Variants in ADAMTSL2 observed in about 807,000 individuals in gnomAD.
ADAMTSL2 encodes the protein ADAMTS like 2, also known as ADAMTS-like protein 2.
Under a neutral mutation model 117.0 loss-of-function variants are expected in ADAMTSL2, and 55 were observed. That is an observed-to-expected ratio of 0.47 (90% CI 0.38 to 0.59). The LOEUF (loss-of-function observed/expected upper bound fraction) is 0.59, where lower values mean the gene tolerates loss of function less well. ADAMTSL2 is among the 20% of genes least tolerant of loss of function. The pLI is 0.00. For missense variants in ADAMTSL2, 1,182 were observed against 1,354.5 expected, an observed-to-expected ratio of 0.87 and a Z score of 2.00; for synonymous variants, 572 against 566.4, an observed-to-expected ratio of 1.01 and a Z score of -0.14.
intron 12 of ADAMTSL2, among the ~76,000 whole-genome samples, chr9:133,564,111 AAAAAGG>A (rs1564509098): frequency 1.7e-4 from 5 of 29,570 alleles, no homozygotes; most frequent in Non-Finnish European, 2.6e-4. Flanking sequence ...AGAGAGAGAG[AAAAAGG>A]GGGAGAGAGA....
chr9:133,545,167 A>C (rs1830318326), intron 8 of ADAMTSL2, among the ~76,000 whole-genome samples: 1 of 151,408 alleles, frequency 6.6e-6, no homozygotes, highest in Admixed American at 6.6e-5. Context: ...GGGAAGATGG[A>C]GTATTGGCCG....
Position 133,534,810 on chromosome 9 carries a change from A to G in ADAMTSL2, c.-258A>G. The stretch of plus-strand genomic sequence containing the variant: ...GAAGGGGAGAGGGAGGCCGGGCCGC[A>G]GCCTCTGCACTCACGCCGCCCCCGC... On this transcript the variant is annotated 5_prime_UTR_variant, in exon 1 of 19. Transcript: ENST00000651351. 1 of 1,489,106 alleles carries G rather than the reference A, an allele frequency of 6.7e-7. No homozygotes were observed. Among genetic ancestry groups the G allele is most frequent in the Non-Finnish European group, 9.0e-7 (1 of 1,114,426 alleles). The allele number at this position is 1,489,106 out of a possible 1,614,324, so 92.2% of individuals were successfully genotyped here.
At chr9:133,570,304 G>A in intron 16 of ADAMTSL2, 27 bp from the exon 17 acceptor site, 1 of 1,537,800 alleles carries the variant, frequency 6.5e-7, no homozygotes, top group Non-Finnish European at 8.7e-7. Context: ...CCCTGGCGCT[G>A]ACCCGCTCCC....
chr9:133,547,513 C>T (rs987749677), intron 9 of ADAMTSL2, among the ~76,000 whole-genome samples: 4 of 152,276 alleles, frequency 2.6e-5, no homozygotes, highest in African/African-American at 7.2e-5. Context: ...CACTCAACCA[C>T]CTATTCTCTC....
Position 133,555,836 on chromosome 9 carries a change from A to C in ADAMTSL2, c.1555A>C (p.Ser519Arg), listed in dbSNP as rs888442150. The C allele has an allele frequency of 2.7e-5, 43 of 1,613,616 alleles. No homozygotes were observed. The African/African-American group carries it at 5.7e-4, about 21-fold the overall frequency. ...CAACGGGTCCTACCTGGAGCTGAGC[A>C]GCGACAGGGTTGCCAACAGCTCCTC... Reference protein sequence around the residue: ...LLNGSYLELSSDRVANSSSEA... With the variant: ...LLNGSYLELSRDRVANSSSEA... Residue 519 changes from serine (S) to arginine (R), a missense_variant, in exon 11 of 19, where the codon AGC becomes CGC. Ser to Arg is a moderately radical substitution (Grantham distance 110). Around this residue, in one of 3 missense-constraint regions of ADAMTSL2, gnomAD observed 345 missense variants for 325.8 expected, o/e 1.06. Coordinates refer to ENST00000651351, the MANE Select transcript of ADAMTSL2 (RefSeq NM_014694.4).
chr9:133,554,651 G>A lies in ADAMTSL2; in HGVS notation c.1234G>A (p.Gly412Ser), dbSNP rs931990483. 21 of 1,526,234 alleles carry A rather than the reference G, an allele frequency of 1.4e-5. No homozygotes were observed. The highest frequency in any genetic ancestry group is 4.1e-5 in the African/African-American group (3 of 72,746). The allele number at this position is 1,526,234 out of a possible 1,614,324, so 94.5% of individuals were successfully genotyped here. Residue 412 changes from glycine to serine, a missense_variant, in exon 10 of 19, where the codon GGC becomes AGC. Around this residue, in one of 3 missense-constraint regions of ADAMTSL2, gnomAD observed 345 missense variants for 325.8 expected, o/e 1.06. Coordinates refer to ENST00000651351, the MANE Select transcript of ADAMTSL2 (RefSeq NM_014694.4). This position sits in a 1 kb window ranked among gnomAD's most constrained non-coding sequence, Gnocchi z 5.2. The part of the protein sequence containing the change: ...ETNEVCEQAG[G>S]GACEGPPRGK... The stretch of plus-strand genomic sequence containing the variant: ...CAACGAGGTGTGCGAGCAGGCCGGC[G>A]GCGGGGCCTGCGAGGGGCCCCCCAG...
Position 133,558,343 on chromosome 9 carries a change from G to A in ADAMTSL2, c.1649+2413G>A, listed in dbSNP as rs1830653864. ...GCCAAAATAGCCACGTCTCGGCCGA[G>A]TTGTCCAAACACAGGAAGTCGTGTC... is the stretch of plus-strand genomic sequence containing the variant. On this transcript the variant is annotated intron_variant, in intron 11 of 18. Transcript: ENST00000651351. The surrounding 1 kb of genome is among the most constrained non-coding windows in gnomAD (Gnocchi z 4.3). Among the ~76,000 whole-genome samples, 1 of 152,216 alleles carries A rather than the reference G, an allele frequency of 6.6e-6. No homozygotes were observed.
chr9:133,550,227 G>A (rs551556880), intron 9 of ADAMTSL2, among the ~76,000 whole-genome samples: 1 of 152,354 alleles, frequency 6.6e-6, no homozygotes, highest in African/African-American at 2.4e-5. Context: ...TCCAGGGCTG[G>A]CCTGGAAAAA....
intron 1 of ADAMTSL2, 21 bp downstream of exon 1, chr9:133,534,938 C>T: frequency 7.3e-7 from 1 of 1,377,640 alleles, no homozygotes; most frequent in South Asian, 1.6e-5. Context: ...TCGTCCCCGT[C>T]CCCCTCACGT....
chr9:133,533,163 C>CTCTGTG (rs1491336774), upstream of ADAMTSL2, among the ~76,000 whole-genome samples: 1 of 148,060 alleles, frequency 6.8e-6, no homozygotes. Flanking sequence ...GTGTGTGTGC[C>CTCTGTG]TGTGTGTGTG....
Position 133,558,024 on chromosome 9 carries a change from C to T in ADAMTSL2, c.1649+2094C>T, listed in dbSNP as rs1057237552. Among the ~76,000 whole-genome samples the T allele has an allele frequency of 3.3e-5, 5 of 152,182 alleles. No homozygotes were observed. The highest frequency in any genetic ancestry group is 4.4e-5 in the Non-Finnish European group (3 of 68,036). On this transcript the variant is annotated intron_variant, in intron 11 of 18. Coordinates refer to ENST00000651351, the MANE Select transcript of ADAMTSL2 (RefSeq NM_014694.4). The surrounding 1 kb of genome is among the most constrained non-coding windows in gnomAD (Gnocchi z 4.3). ...TATTCAGTGATCCTTAGGCCAGGGT[C>T]ATGGCACAAGCTTACGGATCCTCAA...
In ADAMTSL2 at chr9:133,554,304, G is replaced by A; in HGVS notation, c.940-53G>A. On this transcript the variant is annotated intron_variant, in intron 9 of 18. Transcript: ENST00000651351. The surrounding 1 kb of genome is among the most constrained non-coding windows in gnomAD (Gnocchi z 5.2). ...GCTCTGTGGGAAGGGGATTGGTGGG[G>A]AAGGGGCTGGACAGAGTAAGGAGGG... is the stretch of plus-strand genomic sequence containing the variant. 2.7e-6 allele frequency: 4 copies of A among 1,464,600 alleles called. No individual in the cohort carries two copies. Among genetic ancestry groups the A allele is most frequent in the Non-Finnish European group, 3.7e-6 (4 of 1,088,862 alleles). The allele number at this position is 1,464,600 out of a possible 1,614,324, so 90.7% of individuals were successfully genotyped here. A position where few individuals can be genotyped will look rare whatever the true frequency, so the allele number is the denominator to read the frequency against.
At chr9:133,551,559 A>G (rs1322684553) in intron 9 of ADAMTSL2, among the ~76,000 whole-genome samples, 2 of 152,170 alleles carry the variant, frequency 1.3e-5, no homozygotes, top group Non-Finnish European at 2.9e-5. Context: ...AGGGCCTCGC[A>G]GTGTGCCAGA....
chr9:133,555,718 C>T lies in ADAMTSL2; in HGVS notation c.1437C>T (p.Asn479=). The change falls in exon 11 of 19, where the codon AAC becomes AAT. Residue 479 remains asparagine (N), a synonymous_variant. Transcript: ENST00000651351. ...ACTTCACCCTCAATGAGACTGTGAACAGCATCTTTGCACAGGGCGCCCCAA... is the reference window on the plus strand; with the variant it reads ...ACTTCACCCTCAATGAGACTGTGAATAGCATCTTTGCACAGGGCGCCCCAA... ...LKDFTLNETV[N]SIFAQGAPRS... 21 of 1,614,030 alleles carry T rather than the reference C, an allele frequency of 1.3e-5. No homozygotes were observed. The highest frequency in any genetic ancestry group is 1.8e-5 in the Non-Finnish European group (21 of 1,180,044).
intron 9 of ADAMTSL2, among the ~76,000 whole-genome samples, chr9:133,553,013 C>A (rs1244344293): frequency 1.3e-5 from 2 of 152,146 alleles, no homozygotes; most frequent in Admixed American, 6.5e-5. Context: ...CCTGACTGGG[C>A]GAGAATGTGA....
intron 12 of ADAMTSL2, among the ~76,000 whole-genome samples, chr9:133,562,054 T>C (rs928296170): frequency 7.2e-5 from 11 of 152,310 alleles, no homozygotes; most frequent in African/African-American, 2.4e-4. Flanking sequence ...TGGGGCTTCA[T>C]GTTTGGATGT....
chr9:133,567,018 C>T lies in ADAMTSL2; in HGVS notation c.1830C>T (p.Pro610=), dbSNP rs928144839. Residue 610 remains proline (P), a synonymous_variant, in exon 13 of 19, where the codon CCC becomes CCT. Transcript: ENST00000651351. ...GCTACTGTGACGCCCTGACCCGTCC[C>T]GAGCCTGTCCACGAGTTCTGCGCTG... ...DDSYCDALTR[P]EPVHEFCAGR... is the part of the protein sequence containing the mutation. The T allele has an allele frequency of 3.7e-5, 60 of 1,611,214 alleles. No homozygotes were observed. The East Asian group carries it at 4.5e-4, about 12-fold the overall frequency.
At chr9:133,561,458 T>C (rs1830726648) in intron 12 of ADAMTSL2, among the ~76,000 whole-genome samples, 163 bp downstream of exon 12, 1 of 152,146 alleles carries the variant, frequency 6.6e-6, no homozygotes, top group Non-Finnish European at 1.5e-5. Flanking sequence ...TGATAGGAGT[T>C]TGGGTGTCTG....
intron 9 of ADAMTSL2, 148 bp downstream of exon 9, chr9:133,547,361 G>A (rs577332470): frequency 9.6e-6 from 7 of 727,228 alleles, no homozygotes; most frequent in Middle Eastern, 4.0e-4. Flanking sequence ...CGTGGGCTGG[G>A]GCTTCACGTT....
Sources: allele counts gnomAD v4.1 joint callset (sites outside exome capture counted in the v4.1 genomes callset), GRCh38; gene constraint gnomAD v4.1.1; regional missense constraint gnomAD v4.1.1; non-coding constraint Gnocchi (gnomAD v3.1); transcripts MANE v1.5; gene names NCBI Gene and HGNC (gene_info 2026-07-23, HGNC 2026-07-21).